Variants in PSMD11 observed in about 807,000 individuals in gnomAD.
PSMD11 encodes 26S proteasome non-ATPase regulatory subunit 11.
PSMD11 carries 5 observed loss-of-function variants against 62.3 expected under a neutral mutation model. That is an observed-to-expected ratio of 0.08 (90% CI 0.04 to 0.17). The LOEUF is 0.17. Among genes scored for constraint, PSMD11 ranks in the 10% least tolerant of loss-of-function variants. The pLI, the probability that PSMD11 is intolerant of heterozygous loss-of-function variation, is 1.00. For missense variants in PSMD11, 310 were observed against 512.9 expected (o/e 0.60, Z 3.82); for synonymous variants, 191 against 191.8 (o/e 1.00, Z 0.03).
At chr17:32,477,188 C>A (rs763909096) in intron 8 of PSMD11, 33 of 238,358 alleles carry the variant, frequency 1.4e-4, no homozygotes, top group Non-Finnish European at 6.5e-5. Context: ...CGATAACAAG[C>A]CTTGGAGGAA....
intron 5 of PSMD11, among the ~76,000 whole-genome samples, chr17:32,465,981 A>C (rs1907981221): frequency 6.6e-6 from 1 of 152,106 alleles, no homozygotes; most frequent in East Asian, 1.9e-4. Context: ...TCTCCAAAAA[A>C]AGAAAAAAAT....
chr17:32,474,932 C>T, intron 8 of PSMD11, 108 bp downstream of exon 8: 1 of 977,798 alleles, frequency 1.0e-6, no homozygotes, highest in Admixed American at 2.0e-5. Flanking sequence ...CTACTCTCTT[C>T]CTTCTGCCCC....
At chr17:32,474,216 T>C in intron 7 of PSMD11, 1 of 499,332 alleles carries the variant, frequency 2.0e-6, no homozygotes, top group Non-Finnish European at 3.6e-6. Flanking sequence ...TCTGTCCTCA[T>C]AGGTGCAGAG....
At chr17:32,471,066 A>G (rs1258329676) in intron 6 of PSMD11, among the ~76,000 whole-genome samples, 1 of 152,198 alleles carries the variant, frequency 6.6e-6, no homozygotes, top group South Asian at 2.1e-4. Context: ...TACTTTCTAC[A>G]TGTATCTCGA....
At chr17:32,455,910 A>G (rs2150831039) in intron 3 of PSMD11, among the ~76,000 whole-genome samples, 2 of 152,158 alleles carry the variant, frequency 1.3e-5, no homozygotes, top group Non-Finnish European at 2.9e-5. Flanking sequence ...TTGGGAGGCC[A>G]AGGCAGGTGG....
Position 32,447,165 on chromosome 17 carries a change from G to C in PSMD11, c.193+119G>C, listed in dbSNP as rs1907356395. ...TTCAGCTTTATTTTCTTGGCAACTT[G>C]TTGAGCTTCAGTTTTTTAGCAGGCA... On this transcript the variant is annotated intron_variant, in intron 2 of 13. Transcript: ENST00000261712. The C allele has an allele frequency of 1.1e-5, 8 of 739,436 alleles. No homozygotes were observed. In the South Asian group the frequency reaches 2.1e-4, roughly 20 times the overall value. 45.8% of individuals were successfully genotyped at this position (739,436 alleles called of 1,614,324 possible).
intron 3 of PSMD11, 60 bp from the exon 4 acceptor site, chr17:32,463,989 A>C: frequency 2.0e-6 from 3 of 1,482,644 alleles, no homozygotes; most frequent in Non-Finnish European, 2.8e-6. Flanking sequence ...TCTCCAAAGC[A>C]TGGTTTGTGG....
chr17:32,473,991 C>A (rs374577462), intron 7 of PSMD11, 46 bp downstream of exon 7: 2 of 1,604,618 alleles, frequency 1.2e-6, no homozygotes, highest in Non-Finnish European at 1.7e-6. Flanking sequence ...GATCCTTCAG[C>A]AAGTCTGTTT....
Position 32,464,505 on chromosome 17 carries a change from C to CT in PSMD11, c.391-12dup. 6.3e-7 allele frequency: 1 copy of CT among 1,586,884 alleles called. No homozygotes were observed. On this transcript the variant is annotated splice_polypyrimidine_tract_variant and intron_variant, in intron 4 of 13. Coordinates refer to ENST00000261712, the MANE Select transcript of PSMD11 (RefSeq NM_002815.4). ...TTTTTCCCCCCCCTTCAATCAATGC[C>CT]TTTTCTCTTTCCTAGGCAAGACTGG...
intron 8 of PSMD11, among the ~76,000 whole-genome samples, chr17:32,476,403 T>C (rs1908322669): frequency 6.6e-6 from 1 of 152,244 alleles, no homozygotes; most frequent in African/African-American, 2.4e-5. Flanking sequence ...TTAGGGTCAT[T>C]GGCTCTAAGT....
In PSMD11 at chr17:32,481,334, C is replaced by A; in HGVS notation, c.*582C>A. 1 of 161,514 alleles carries A rather than the reference C, an allele frequency of 6.2e-6. No individual in the cohort carries two copies. The highest frequency in any genetic ancestry group is 1.4e-5 in the Non-Finnish European group (1 of 73,182). The allele number at this position is 161,514 out of a possible 1,614,324, so 10.0% of individuals were successfully genotyped here. On this transcript the variant is annotated 3_prime_UTR_variant, in exon 14 of 14. Transcript: ENST00000261712. ...AGAGTAGCCGAAGGTCCTGCCGCCGCCGCCACCACCACCACCACTGCAGCA... is the reference window on the plus strand; with the variant it reads ...AGAGTAGCCGAAGGTCCTGCCGCCGACGCCACCACCACCACCACTGCAGCA...
At chr17:32,458,525 G>T (rs1907715379) in intron 3 of PSMD11, among the ~76,000 whole-genome samples, 1 of 152,118 alleles carries the variant, frequency 6.6e-6, no homozygotes, top group African/African-American at 2.4e-5. Flanking sequence ...GACTCACATT[G>T]TATTTTGTAC....
rs1463963406 is a variant in PSMD11, at chr17:32,483,249, CAAT to C, written c.*2500_*2502del. The C allele has an allele frequency of 6.6e-6, 1 of 152,182 alleles. No homozygotes were observed. Among genetic ancestry groups the C allele is most frequent in the African/African-American group, 2.4e-5 (1 of 41,446 alleles). 9.4% of individuals were successfully genotyped at this position (152,182 alleles called of 1,614,324 possible). A position where few individuals can be genotyped will look rare whatever the true frequency, so the allele number is the denominator to read the frequency against. ...AAAAGAAAAGGAGTGTAAAATATGTCAATAACTTTTTTATATATGTGTTGAAAT... is the reference window on the plus strand; with the variant it reads ...AAAAGAAAAGGAGTGTAAAATATGTCAACTTTTTTATATATGTGTTGAAAT... On this transcript the variant is annotated 3_prime_UTR_variant, in exon 14 of 14. Transcript: ENST00000261712.
At chr17:32,453,901 T>C (rs1345796623) in intron 2 of PSMD11, among the ~76,000 whole-genome samples, 1 of 152,192 alleles carries the variant, frequency 6.6e-6, no homozygotes, top group African/African-American at 2.4e-5. Context: ...AAAAGAGATA[T>C]AGCAGCACTT....
chr17:32,480,051 C>T, intron 11 of PSMD11, 95 bp from the exon 12 acceptor site: 2 of 1,504,506 alleles, frequency 1.3e-6, no homozygotes, highest in Non-Finnish European at 1.9e-6. Flanking sequence ...TGTTTTCAGT[C>T]CATTTGGCCT....
intron 8 of PSMD11, 96 bp from the exon 9 acceptor site, chr17:32,477,425 C>T: frequency 1.9e-6 from 2 of 1,040,660 alleles, no homozygotes; most frequent in South Asian, 4.9e-5. Flanking sequence ...TTCCTTTTGG[C>T]AGAAGTTGTG....
chr17:32,444,625 C>T lies in PSMD11; in HGVS notation c.91+11C>T. The T allele has an allele frequency of 6.2e-7, 1 of 1,610,388 alleles. No individual in the cohort carries two copies. Among genetic ancestry groups the T allele is most frequent in the South Asian group, 1.1e-5 (1 of 90,932 alleles). ...TCCTCCACTCCATCGGTAAAGGTCG[C>T]CGCGCCGCCTCCCCGGCCCCGCCGG... On this transcript the variant is annotated intron_variant, in intron 1 of 13. Coordinates refer to ENST00000261712, the MANE Select transcript of PSMD11 (RefSeq NM_002815.4).
At chr17:32,465,625 C>T (rs954892583) in intron 5 of PSMD11, among the ~76,000 whole-genome samples, 3 of 152,078 alleles carry the variant, frequency 2.0e-5, no homozygotes, top group African/African-American at 7.2e-5. Context: ...AGTGTATAAT[C>T]CAGTGGTTTT....
chr17:32,472,845 T>TC (rs1464651421), intron 6 of PSMD11, among the ~76,000 whole-genome samples: 46 of 148,252 alleles, frequency 3.1e-4, no homozygotes, highest in African/African-American at 9.3e-4. Context: ...CCTTTTTCTT[T>TC]TTTTTTTTTT....
Sources: allele counts gnomAD v4.1 joint callset (sites outside exome capture counted in the v4.1 genomes callset), GRCh38; gene constraint gnomAD v4.1.1; transcripts MANE v1.5; gene names NCBI Gene and HGNC (gene_info 2026-07-23, HGNC 2026-07-21).